Variants in SLC2A13 observed in about 807,000 individuals in gnomAD.
SLC2A13 encodes proton myo-inositol cotransporter.
A neutral mutation model predicts 64.4 loss-of-function variants in SLC2A13; 32 were observed. That is an observed-to-expected ratio of 0.50 (90% CI 0.37 to 0.67). The LOEUF (loss-of-function observed/expected upper bound fraction) is 0.67, where lower values mean the gene tolerates loss of function less well. SLC2A13 is among the 30% of genes least tolerant of loss of function. The pLI, the probability that SLC2A13 is intolerant of heterozygous loss-of-function variation, is 0.00. For missense variants in SLC2A13, 743 were observed against 829.2 expected, an observed-to-expected ratio of 0.90 and a Z score of 1.28; for synonymous variants, 338 against 327.1, an observed-to-expected ratio of 1.03 and a Z score of -0.36.
At chr12:39,993,262 A>G (rs190804416) in intron 3 of SLC2A13, among the ~76,000 whole-genome samples, 90 of 152,340 alleles carry the variant, frequency 5.9e-4, no homozygotes, top group African/African-American at 2.1e-3. Flanking sequence ...AAAATTTCCA[A>G]TAATTTGACT....
At chr12:39,920,141 C>T (rs1000536712) in intron 4 of SLC2A13, among the ~76,000 whole-genome samples, 5 of 152,080 alleles carry the variant, frequency 3.3e-5, no homozygotes, top group Admixed American at 2.0e-4. Context: ...TTCCACCCCA[C>T]CACAATTAAA....
At chr12:39,871,740 A>G (rs1944062421) in intron 5 of SLC2A13, 58 bp downstream of exon 5, 2 of 1,490,338 alleles carry the variant, frequency 1.3e-6, no homozygotes, top group Non-Finnish European at 1.8e-6. Context: ...TTTGAAGGTT[A>G]AACTTGAAGT....
intron 6 of SLC2A13, among the ~76,000 whole-genome samples, chr12:39,842,737 T>C (rs1405714982): frequency 1.3e-5 from 2 of 152,016 alleles, no homozygotes; most frequent in Non-Finnish European, 2.9e-5. Context: ...TTCCGGAACA[T>C]TTTCATTGCT....
intron 3 of SLC2A13, among the ~76,000 whole-genome samples, chr12:40,003,428 G>A (rs898877785): frequency 3.3e-5 from 5 of 152,152 alleles, no homozygotes; most frequent in East Asian, 3.8e-4. Flanking sequence ...GTGAGTGGGC[G>A]CTGATGGCAA....
rs1771588294 is a variant in SLC2A13, at chr12:39,909,821, A to G, written c.1035-37860T>C. Among the ~76,000 whole-genome samples the G allele has an allele frequency of 2.0e-5, 3 of 151,018 alleles. No homozygotes were observed. In the South Asian group the frequency reaches 6.3e-4, roughly 31 times the overall value. ...TAATTTGCAGTGTGGGAACTCAATG[A>G]GTTATCCGTTTTCTTTTCATTACTC... On this transcript the variant is annotated intron_variant, in intron 4 of 9. Transcript: ENST00000280871.
intron 9 of SLC2A13, among the ~76,000 whole-genome samples, chr12:39,760,461 A>G (rs1015948578): frequency 6.6e-6 from 1 of 152,018 alleles, no homozygotes; most frequent in Admixed American, 6.6e-5. Context: ...TCAAGTTTAG[A>G]AACTCAAGAA....
At chr12:40,061,745 C>T (rs1228189618) in intron 1 of SLC2A13, among the ~76,000 whole-genome samples, 1 of 151,042 alleles carries the variant, frequency 6.6e-6, no homozygotes, top group Non-Finnish European at 1.5e-5. Context: ...AATTGACATA[C>T]AGATTTAATA....
intron 4 of SLC2A13, among the ~76,000 whole-genome samples, chr12:39,924,963 C>T (rs1391367320): frequency 6.6e-6 from 1 of 151,304 alleles, no homozygotes; most frequent in African/African-American, 2.4e-5. Flanking sequence ...TCATCATACA[C>T]ATTAGGGAGC....
rs1275180148 is a variant in SLC2A13, at chr12:39,929,544, C to A, written c.1034+21713G>T. On this transcript the variant is annotated intron_variant, in intron 4 of 9. Transcript: ENST00000280871. Reference sequence around the variant, plus strand: ...CCAGCCTGGGCGACAGAGTGAGAGTCCATCTCAAAAAAAAAAAGCAAAAGA... The same window carrying A: ...CCAGCCTGGGCGACAGAGTGAGAGTACATCTCAAAAAAAAAAAGCAAAAGA... 2.0e-5 allele frequency among the ~76,000 whole-genome samples: 3 copies of A among 150,390 alleles called. 1 individual carries two copies. Among genetic ancestry groups the A allele is most frequent in the Non-Finnish European group, 4.4e-5 (3 of 67,534 alleles).
Position 39,794,129 on chromosome 12 carries a change from A to C in SLC2A13, c.1446-29271T>G, listed in dbSNP as rs1941496351. Among the ~76,000 whole-genome samples the C allele has an allele frequency of 1.3e-5, 2 of 148,488 alleles. 1 individual carries two copies. ...CCTGGAATGGGCCAAATTGCAAAAA[A>C]AAAAAAAAAAAAAAAAAAAACCAAA... On this transcript the variant is annotated intron_variant, in intron 7 of 9. Transcript: ENST00000280871.
intron 1 of SLC2A13, among the ~76,000 whole-genome samples, chr12:40,082,201 A>G (rs1938428927): frequency 6.6e-6 from 1 of 152,204 alleles, no homozygotes; most frequent in South Asian, 2.1e-4. Flanking sequence ...CGGCATGTAC[A>G]CATAGTGTTC....
chr12:40,008,634 T>C (rs547352875), intron 3 of SLC2A13, among the ~76,000 whole-genome samples: 53 of 149,272 alleles, frequency 3.6e-4, no homozygotes, highest in African/African-American at 1.2e-3. Context: ...AAAAAGAATA[T>C]GGAGAAACAA....
At chr12:39,903,590 T>C (rs1188753375) in intron 4 of SLC2A13, among the ~76,000 whole-genome samples, 1 of 152,024 alleles carries the variant, frequency 6.6e-6, no homozygotes, top group African/African-American at 2.4e-5. Flanking sequence ...ACCAAACTCA[T>C]GAGTTCTAGT....
intron 1 of SLC2A13, among the ~76,000 whole-genome samples, chr12:40,070,828 A>C (rs1267807725): frequency 1.3e-5 from 2 of 152,182 alleles, no homozygotes; most frequent in African/African-American, 4.8e-5. Context: ...TAACCACATA[A>C]AATAATAAAC....
Position 39,923,690 on chromosome 12 carries a change from G to GCACACA in SLC2A13, c.1034+27566_1034+27567insTGTGTG, listed in dbSNP as rs1195057830. Among the ~76,000 whole-genome samples the GCACACA allele has an allele frequency of 8.2e-5, 3 of 36,442 alleles. No individual in the cohort carries two copies. In the East Asian group the frequency reaches 1.2e-3, roughly 14 times the overall value. The allele number at this position is 36,442 out of a possible 152,430, so 23.9% of individuals were successfully genotyped here. ...TATGTATATATATATATATATATGCGCACGCGCACACACACACACACACAC... is the reference window on the plus strand; with the variant it reads ...TATGTATATATATATATATATATGCGCACACACACGCGCACACACACACACACACAC... On this transcript the variant is annotated intron_variant, in intron 4 of 9. Coordinates refer to ENST00000280871, the MANE Select transcript of SLC2A13 (RefSeq NM_052885.4).
chr12:39,828,675 C>A (rs1942759453), intron 7 of SLC2A13, among the ~76,000 whole-genome samples: 1 of 150,650 alleles, frequency 6.6e-6, no homozygotes, highest in African/African-American at 2.4e-5. Flanking sequence ...TAACAGATTT[C>A]ATAACATGTT....
At chr12:39,770,273 A>T (rs923388316) in intron 7 of SLC2A13, among the ~76,000 whole-genome samples, 1 of 152,092 alleles carries the variant, frequency 6.6e-6, no homozygotes, top group Non-Finnish European at 1.5e-5. Context: ...CACTGATGGA[A>T]TTTAGGTACC....
intron 4 of SLC2A13, among the ~76,000 whole-genome samples, chr12:39,947,468 A>G (rs765372951): frequency 6.6e-6 from 1 of 152,180 alleles, no homozygotes; most frequent in Non-Finnish European, 1.5e-5. Context: ...CATAGAACTT[A>G]GTGTTTTCTT....
At chr12:39,825,290 C>T (rs1942639031) in intron 7 of SLC2A13, among the ~76,000 whole-genome samples, 2 of 151,946 alleles carry the variant, frequency 1.3e-5, no homozygotes, top group Middle Eastern at 3.4e-3. Flanking sequence ...GGTAGGGAGG[C>T]GGATAAATAG....
Sources: allele counts gnomAD v4.1 joint callset (sites outside exome capture counted in the v4.1 genomes callset), GRCh38; gene constraint gnomAD v4.1.1; transcripts MANE v1.5; gene names NCBI Gene and HGNC (gene_info 2026-07-23, HGNC 2026-07-21).